Variants in MTUS2 observed in about 807,000 individuals in gnomAD.
The protein encoded by MTUS2 is microtubule-associated tumor suppressor candidate 2.
MTUS2 carries 40 observed loss-of-function variants against 114.1 expected under a neutral mutation model. That is an observed-to-expected ratio of 0.35 (90% CI 0.27 to 0.46). The LOEUF is 0.46. MTUS2 is among the 20% of genes least tolerant of loss of function. The probability of loss-of-function intolerance (pLI) is 1.00; values close to 1 mark genes in which losing one functional copy is unlikely to be tolerated. For synonymous variants in MTUS2, 688 were observed against 672.0 expected, an observed-to-expected ratio of 1.02 and a Z score of -0.37; for missense variants, 1,679 against 1,705.4, an observed-to-expected ratio of 0.98 and a Z score of 0.27.
At chr13:29,252,260 G>A (rs1897147166) in intron 5 of MTUS2, among the ~76,000 whole-genome samples, 2 of 152,092 alleles carry the variant, frequency 1.3e-5, no homozygotes, top group South Asian at 4.1e-4. Context: ...GTACTTCCAA[G>A]TCATGGCTCC....
chr13:29,428,963 C>T, intron 8 of MTUS2: 3 of 1,532,996 alleles, frequency 2.0e-6, no homozygotes, highest in Non-Finnish European at 2.7e-6. Flanking sequence ...AGCCGTGAGC[C>T]AGCCACCTCG....
chr13:29,141,143 C>T (rs939170386), intron 5 of MTUS2, among the ~76,000 whole-genome samples: 3 of 152,148 alleles, frequency 2.0e-5, no homozygotes, highest in Non-Finnish European at 4.4e-5. Context: ...TTATATTTTT[C>T]CCAGTCCACA....
At chr13:29,329,195 A>G (rs1900657623) in intron 7 of MTUS2, among the ~76,000 whole-genome samples, 1 of 152,114 alleles carries the variant, frequency 6.6e-6, no homozygotes, top group African/African-American at 2.4e-5. Context: ...GGTTTGTTAC[A>G]TAGGTGTACA....
intron 5 of MTUS2, among the ~76,000 whole-genome samples, chr13:29,234,747 C>T (rs943870945): frequency 1.1e-4 from 17 of 152,256 alleles, no homozygotes; most frequent in South Asian, 4.1e-4. Context: ...ACCCCCTTAA[C>T]GCTTCCTCTT....
At chr13:29,394,717 G>A (rs1345707088) in intron 8 of MTUS2, among the ~76,000 whole-genome samples, 1 of 152,208 alleles carries the variant, frequency 6.6e-6, no homozygotes, top group East Asian at 1.9e-4. Flanking sequence ...CTAACAGCGG[G>A]AGGTGTGCAG....
intron 4 of MTUS2, among the ~76,000 whole-genome samples, chr13:29,038,947 A>G (rs745786934): frequency 1.3e-5 from 2 of 152,180 alleles, no homozygotes; most frequent in Non-Finnish European, 2.9e-5. Context: ...CAAAGCCACC[A>G]CTTCATGTAG....
chr13:29,368,612 T>C (rs9314950), intron 8 of MTUS2, among the ~76,000 whole-genome samples: 30,786 of 152,108 alleles, frequency 0.2, 3,231 homozygotes, highest in Middle Eastern at 0.25. Flanking sequence ...CATACATAGG[T>C]ATAAATATGT....
chr13:29,063,601 C>T (rs1426381503), intron 4 of MTUS2, among the ~76,000 whole-genome samples: 1 of 152,020 alleles, frequency 6.6e-6, no homozygotes, highest in East Asian at 1.9e-4. Context: ...CCTCTTTGGT[C>T]ATTTTTTTAA....
intron 5 of MTUS2, 124 bp from the exon 6 acceptor site, chr13:29,281,580 C>T (rs1898270796): frequency 9.7e-7 from 1 of 1,026,554 alleles, no homozygotes; most frequent in Non-Finnish European, 1.4e-6. Flanking sequence ...CAAGGTCACT[C>T]ACTAAGAATC....
At chr13:29,046,901 A>G (rs145099716) in intron 4 of MTUS2, among the ~76,000 whole-genome samples, 213 of 152,174 alleles carry the variant, frequency 1.4e-3, no homozygotes, top group African/African-American at 4.9e-3. Context: ...CACCTTATCT[A>G]AAAAAATCAA....
At chr13:29,121,551 T>C (rs541841815) in intron 5 of MTUS2, among the ~76,000 whole-genome samples, 1 of 152,236 alleles carries the variant, frequency 6.6e-6, no homozygotes, top group South Asian at 2.1e-4. Flanking sequence ...TTGAGTTCCA[T>C]GCAAAGCCTT....
At chr13:29,414,560 A>G (rs1277597827) in intron 8 of MTUS2, among the ~76,000 whole-genome samples, 1 of 150,194 alleles carries the variant, frequency 6.7e-6, no homozygotes, top group Non-Finnish European at 1.5e-5. Context: ...GTTTTTGTAT[A>G]TTATGGGAAA....
At chr13:28,835,643 T>C (rs1051175099) in intron 1 of MTUS2, among the ~76,000 whole-genome samples, 3 of 152,202 alleles carry the variant, frequency 2.0e-5, no homozygotes, top group Admixed American at 2.0e-4. Flanking sequence ...ATCATGAATT[T>C]TATGGTATCT....
intron 5 of MTUS2, among the ~76,000 whole-genome samples, chr13:29,247,108 C>T (rs1896955193): frequency 6.6e-6 from 1 of 152,124 alleles, no homozygotes; most frequent in Non-Finnish European, 1.5e-5. Context: ...AGAAATAAAG[C>T]CGAATACCTA....
chr13:29,163,737 A>G (rs1893196513), intron 5 of MTUS2, among the ~76,000 whole-genome samples: 1 of 152,168 alleles, frequency 6.6e-6, no homozygotes, highest in Non-Finnish European at 1.5e-5. Flanking sequence ...GAGCGAGCGC[A>G]TGTAGGGATG....
intron 5 of MTUS2, among the ~76,000 whole-genome samples, chr13:29,252,216 T>A (rs1341201298): frequency 2.0e-5 from 3 of 152,198 alleles, no homozygotes; most frequent in African/African-American, 7.2e-5. Flanking sequence ...ATAATTACTA[T>A]TAAGTAATCC....
chr13:29,284,617 A>G (rs1898404288), intron 6 of MTUS2, among the ~76,000 whole-genome samples: 1 of 152,212 alleles, frequency 6.6e-6, no homozygotes, highest in South Asian at 2.1e-4. Context: ...CGTTGATGGC[A>G]TAACCACACA....
intron 5 of MTUS2, among the ~76,000 whole-genome samples, chr13:29,123,853 G>A (rs928453737): frequency 1.3e-5 from 2 of 152,158 alleles, no homozygotes; most frequent in Admixed American, 6.5e-5. Context: ...TAGTGTCCCC[G>A]GGCCTCCCGC....
At chr13:29,206,023 A>G (rs963798270) in intron 5 of MTUS2, among the ~76,000 whole-genome samples, 6 of 152,200 alleles carry the variant, frequency 3.9e-5, no homozygotes, top group Admixed American at 3.3e-4. Flanking sequence ...TTACATTCCC[A>G]TCAGCAATAT....
Sources: allele counts gnomAD v4.1 joint callset (sites outside exome capture counted in the v4.1 genomes callset), GRCh38; gene constraint gnomAD v4.1.1; transcripts MANE v1.5; gene names NCBI Gene and HGNC (gene_info 2026-07-23, HGNC 2026-07-21).